Variants in NMBR observed in about 807,000 individuals in gnomAD.
NMBR encodes neuromedin B receptor.
Under a neutral mutation model 20.5 loss-of-function variants are expected in NMBR, and 16 were observed. The ratio of observed to expected loss-of-function variants is 0.78; its 90% CI spans 0.53 to 1.19. The LOEUF is 1.19. Among genes scored for constraint, NMBR ranks in the 50% most tolerant of loss-of-function variants. The pLI, the probability that NMBR is intolerant of heterozygous loss-of-function variation, is 0.00. For missense variants in NMBR, 582 were observed against 499.1 expected, an observed-to-expected ratio of 1.17 and a Z score of -1.58; for synonymous variants, 212 against 196.6, an observed-to-expected ratio of 1.08 and a Z score of -0.65.
intron 1 of NMBR, among the ~76,000 whole-genome samples, chr6:142,101,083 G>A (rs766374670): frequency 2.6e-4 from 40 of 152,076 alleles, no homozygotes; most frequent in Non-Finnish European, 5.0e-4. Context: ...GGAGATTTAC[G>A]GACAGAAAAA....
chr6:142,130,656 A>G (rs1443770632), intron 1 of NMBR, among the ~76,000 whole-genome samples: 1 of 152,210 alleles, frequency 6.6e-6, no homozygotes, highest in Admixed American at 6.5e-5. Context: ...CTTTGGCTTA[A>G]AAGGCCAGAT....
chr6:142,141,514 T>A (rs225617), intron 1 of NMBR, among the ~76,000 whole-genome samples: 58,949 of 151,632 alleles, frequency 0.39, 12,119 homozygotes, highest in Middle Eastern at 0.53. Flanking sequence ...TTTGTTTTTT[T>A]TTTTTTTTAA....
intron 3 of NMBR, 102 bp downstream of exon 3, chr6:142,078,453 C>T (rs1426778388): frequency 8.9e-6 from 6 of 673,380 alleles, no homozygotes; most frequent in Admixed American, 2.9e-5. Flanking sequence ...AGGCCCAACT[C>T]TGTTCTCCTC....
At chr6:142,102,487 T>C (rs1392533891) in intron 1 of NMBR, among the ~76,000 whole-genome samples, 2 of 152,060 alleles carry the variant, frequency 1.3e-5, no homozygotes, top group African/African-American at 4.8e-5. Context: ...TATTTCTCCA[T>C]GGGAAACAAG....
At chr6:142,098,011 T>C (rs1777491774) in intron 1 of NMBR, among the ~76,000 whole-genome samples, 1 of 151,630 alleles carries the variant, frequency 6.6e-6, no homozygotes, top group African/African-American at 2.4e-5. Flanking sequence ...ACAGAGAAAA[T>C]GACTGGGGAA....
intron 2 of NMBR, among the ~76,000 whole-genome samples, chr6:142,082,231 G>T (rs978704834): frequency 6.6e-6 from 1 of 151,988 alleles, no homozygotes; most frequent in African/African-American, 2.4e-5. Context: ...AGTGTGAACC[G>T]CATGATAAGA....
At chr6:142,141,671 A>AT (rs1339816417) in intron 1 of NMBR, among the ~76,000 whole-genome samples, 12 of 151,840 alleles carry the variant, frequency 7.9e-5, no homozygotes, top group African/African-American at 2.9e-4. Flanking sequence ...CACCCAGCTA[A>AT]TTTTTTGTAT....
intron 1 of NMBR, among the ~76,000 whole-genome samples, chr6:142,132,411 G>A (rs1778159933): frequency 6.6e-6 from 1 of 152,102 alleles, no homozygotes; most frequent in African/African-American, 2.4e-5. Flanking sequence ...AGAAAGGATG[G>A]GAAGGATTGT....
At chr6:142,088,115 T>A (rs1397236464) in intron 2 of NMBR, 122 bp downstream of exon 2, 2 of 929,562 alleles carry the variant, frequency 2.2e-6, no homozygotes, top group Non-Finnish European at 3.2e-6. Flanking sequence ...TCTCCCTCTC[T>A]TCCTCTCCAC....
At chr6:142,113,682 G>A (rs565233041) in intron 1 of NMBR, among the ~76,000 whole-genome samples, 289 of 152,160 alleles carry the variant, frequency 1.9e-3, no homozygotes, top group Middle Eastern at 6.8e-3. Flanking sequence ...ATCAAATGAT[G>A]CTCACTTTGA....
At chr6:142,080,302 G>T (rs1777068487) in intron 2 of NMBR, among the ~76,000 whole-genome samples, 2 of 143,506 alleles carry the variant, frequency 1.4e-5, no homozygotes, top group African/African-American at 2.6e-5. Context: ...GCACATTCTT[G>T]CCCTATATCT....
chr6:142,122,380 A>T (rs146030958), intron 1 of NMBR, among the ~76,000 whole-genome samples: 59 of 152,104 alleles, frequency 3.9e-4, no homozygotes, highest in African/African-American at 1.4e-3. Context: ...TTGTAATGCA[A>T]GATGGTATAT....
At chr6:142,123,452 C>G (rs1777980006) in intron 1 of NMBR, among the ~76,000 whole-genome samples, 1 of 151,890 alleles carries the variant, frequency 6.6e-6, no homozygotes, top group African/African-American at 2.4e-5. Flanking sequence ...AAAGCAGCAG[C>G]AGGGCTTGAG....
chr6:142,118,522 G>A (rs190251241), intron 1 of NMBR, among the ~76,000 whole-genome samples: 11 of 152,046 alleles, frequency 7.2e-5, no homozygotes, highest in African/African-American at 2.2e-4. Flanking sequence ...ATCATTTTTT[G>A]AATTTCAGAA....
intron 2 of NMBR, among the ~76,000 whole-genome samples, chr6:142,084,624 T>C (rs1052159212): frequency 6.6e-6 from 1 of 152,166 alleles, no homozygotes; most frequent in Non-Finnish European, 1.5e-5. Flanking sequence ...AAGTTTACAG[T>C]TTAGCACTAG....
intron 1 of NMBR, among the ~76,000 whole-genome samples, chr6:142,127,341 CTG>C (rs1331815122): frequency 6.6e-6 from 1 of 151,894 alleles, no homozygotes; most frequent in East Asian, 1.9e-4. Flanking sequence ...TTCCGTTTGT[CTG>C]TGTGTCTGTT....
At chr6:142,134,659 T>A (rs1350516199) in intron 1 of NMBR, 1 of 695,838 alleles carries the variant, frequency 1.4e-6, no homozygotes, top group Non-Finnish European at 2.6e-6. Flanking sequence ...TTATATACTC[T>A]CTGTTTTATT....
At chr6:142,090,253 A>G (rs1777299026) in intron 1 of NMBR, among the ~76,000 whole-genome samples, 1 of 152,178 alleles carries the variant, frequency 6.6e-6, no homozygotes, top group Non-Finnish European at 1.5e-5. Context: ...ATTAAAGGAT[A>G]AAATTGAACA....
rs1237305758 is a variant in NMBR, at chr6:142,088,256, T to C, written c.403A>G (p.Thr135Ala). The change falls in exon 2 of 4, where the codon ACT becomes GCT. Residue 135 changes from threonine (T) to alanine (A), a missense_variant. Physicochemically the swap from Thr to Ala is moderately conservative, Grantham distance 58 (BLOSUM62 0). Coordinates refer to ENST00000258042, the MANE Select transcript of NMBR (RefSeq NM_002511.4). ...TCTTACCTGTCGGCGCTGAGGGCAG[T>C]GAGAGTGAACACGGAAACCCCCACG... Reference protein sequence around the residue: ...TSVGVSVFTLTALSADRYRAI... With the variant: ...TSVGVSVFTLAALSADRYRAI... 6.2e-7 allele frequency: 1 copy of C among 1,612,466 alleles called. No individual in the cohort carries two copies. The highest frequency in any genetic ancestry group is 8.5e-7 in the Non-Finnish European group (1 of 1,179,908).
Sources: allele counts gnomAD v4.1 joint callset (sites outside exome capture counted in the v4.1 genomes callset), GRCh38; gene constraint gnomAD v4.1.1; transcripts MANE v1.5; gene names NCBI Gene and HGNC (gene_info 2026-07-23, HGNC 2026-07-21).